Variants in DISP1 observed in about 807,000 individuals in gnomAD.
DISP1 encodes the protein protein dispatched homolog 1.
A neutral mutation model predicts 37.3 loss-of-function variants in DISP1; 30 were observed. The ratio of observed to expected loss-of-function variants is 0.80; its 90% CI spans 0.60 to 1.09. DISP1 has a LOEUF of 1.09. Among genes scored for constraint, DISP1 ranks in the 50% least tolerant of loss-of-function variants. DISP1 has a pLI of 0.00. For synonymous variants in DISP1, 634 were observed against 690.2 expected (o/e 0.92, Z 1.28); for missense variants, 1,598 against 1,879.5 (o/e 0.85, Z 2.77).
chr1:222,967,717 C>T (rs1223805293), intron 3 of DISP1, among the ~76,000 whole-genome samples: 2 of 152,102 alleles, frequency 1.3e-5, no homozygotes, highest in Non-Finnish European at 2.9e-5. Flanking sequence ...ATTGACTTGG[C>T]ATTGAATGTG....
At chr1:222,966,575 C>A (rs928286021) in intron 3 of DISP1, among the ~76,000 whole-genome samples, 3 of 152,148 alleles carry the variant, frequency 2.0e-5, no homozygotes, top group Non-Finnish European at 2.9e-5. Flanking sequence ...AAACTTTTAT[C>A]TTTGGCTGTC....
rs1296622359 is a variant in DISP1 at position 223,003,118 on chromosome 1, C to T, written c.1721C>T (p.Ala574Val). The change falls in exon 9 of 9, where the codon GCT becomes GTT. Residue 574 changes from alanine (A) to valine (V), a missense_variant. Coordinates refer to ENST00000675850, the MANE Select transcript of DISP1 (RefSeq NM_001377229.1). The surrounding 1 kb of genome is among the most constrained non-coding windows in gnomAD (Gnocchi z 4.3). ...TTGGTTGGAATTGGAGCAGATGATGCTTTTGTCCTGTGTGATGTTTGGAAC... is the reference window on the plus strand; with the variant it reads ...TTGGTTGGAATTGGAGCAGATGATGTTTTTGTCCTGTGTGATGTTTGGAAC... ...IILVGIGADD[A>V]FVLCDVWNYT... 5 of 1,614,048 alleles carry T rather than the reference C, an allele frequency of 3.1e-6. No homozygotes were observed.
intron 2 of DISP1, among the ~76,000 whole-genome samples, chr1:222,929,733 A>G (rs1275813308): frequency 6.6e-6 from 1 of 152,102 alleles, no homozygotes; most frequent in East Asian, 1.9e-4. Flanking sequence ...TCTACTTTCT[A>G]AAATGTTAAA....
intron 1 of DISP1, among the ~76,000 whole-genome samples, chr1:222,877,110 A>G (rs1670013246): frequency 6.6e-6 from 1 of 152,118 alleles, no homozygotes; most frequent in Non-Finnish European, 1.5e-5. Flanking sequence ...GAGCTGCTTT[A>G]CCTCTCTGAG....
chr1:222,984,435 T>TATATATAGAGAGAGAGAG (rs67660273), intron 4 of DISP1, among the ~76,000 whole-genome samples: 3 of 108,370 alleles, frequency 2.8e-5, no homozygotes, highest in South Asian at 3.2e-4. Context: ...TATATATATA[T>TATATATAGAGAGAGAGAG]AGAGAGAGAG....
intron 1 of DISP1, chr1:222,837,179 G>A (rs1427411598): frequency 2.5e-6 from 1 of 396,160 alleles, no homozygotes; most frequent in East Asian, 3.6e-5. Flanking sequence ...TGTCCTGGAT[G>A]CCCTCTTTTC....
chr1:222,920,332 C>T (rs1378968132), intron 1 of DISP1, among the ~76,000 whole-genome samples: 1 of 152,138 alleles, frequency 6.6e-6, no homozygotes, highest in Non-Finnish European at 1.5e-5. Context: ...TTTTGAAATG[C>T]TGTATCACAA....
Position 223,003,191 on chromosome 1 carries a change from C to T in DISP1, c.1794C>T (p.Ser598=), listed in dbSNP as rs1323138708. The part of the protein sequence containing the change: ...KPHAETSETV[S]ITLQHAALSM... ...ATGCCGAAACCTCAGAAACAGTAAG[C>T]ATCACCTTGCAGCACGCTGCCCTCT... is the stretch of plus-strand genomic sequence containing the variant. The change falls in exon 9 of 9, where the codon AGC becomes AGT. Residue 598 remains serine (S), a synonymous_variant. Transcript: ENST00000675850. This position sits in a 1 kb window ranked among gnomAD's most constrained non-coding sequence, Gnocchi z 4.3. The T allele has an allele frequency of 2.6e-5, 42 of 1,614,112 alleles. No individual in the cohort carries two copies. Among genetic ancestry groups the T allele is most frequent in the Non-Finnish European group, 3.4e-5 (40 of 1,180,052 alleles).
At chr1:222,985,649 C>T (rs1053001162) in intron 4 of DISP1, among the ~76,000 whole-genome samples, 4 of 151,970 alleles carry the variant, frequency 2.6e-5, no homozygotes, top group African/African-American at 4.8e-5. Context: ...GACTCCGTCT[C>T]GGGGTGGGGG....
At chr1:222,997,961 A>G (rs944797577) in intron 8 of DISP1, among the ~76,000 whole-genome samples, 1 of 152,130 alleles carries the variant, frequency 6.6e-6, no homozygotes, top group African/African-American at 2.4e-5. Flanking sequence ...CTCAAAGAGT[A>G]TGGTTATCAT....
chr1:222,848,417 AG>A (rs1668040889), intron 1 of DISP1, among the ~76,000 whole-genome samples: 1 of 151,464 alleles, frequency 6.6e-6, no homozygotes, highest in Non-Finnish European at 1.5e-5. Context: ...TTACAAAAAA[AG>A]TAAAAATTAT....
intron 1 of DISP1, among the ~76,000 whole-genome samples, chr1:222,843,988 G>A (rs1006914953): frequency 1.3e-5 from 2 of 152,152 alleles, no homozygotes; most frequent in African/African-American, 4.8e-5. Flanking sequence ...AATTACGATA[G>A]TCCTTAAAGT....
At chr1:222,820,609 G>T (rs1223928555) in intron 1 of DISP1, among the ~76,000 whole-genome samples, 1 of 152,210 alleles carries the variant, frequency 6.6e-6, no homozygotes, top group African/African-American at 2.4e-5. Flanking sequence ...TTTCAGGCAT[G>T]AATTTGAGCT....
intron 1 of DISP1, among the ~76,000 whole-genome samples, chr1:222,917,311 C>T (rs1180795014): frequency 2.0e-5 from 3 of 152,086 alleles, no homozygotes; most frequent in Non-Finnish European, 4.4e-5. Flanking sequence ...CAAACAGGGG[C>T]GAACAGGGAC....
chr1:222,927,607 C>G (rs772419015), intron 1 of DISP1, among the ~76,000 whole-genome samples: 112 of 152,192 alleles, frequency 7.4e-4, no homozygotes, highest in Non-Finnish European at 1.2e-3. Context: ...CTACTGTCCT[C>G]ATATAGTTAG....
intron 1 of DISP1, among the ~76,000 whole-genome samples, chr1:222,846,081 T>C (rs946352606): frequency 3.3e-5 from 5 of 152,224 alleles, no homozygotes; most frequent in African/African-American, 1.2e-4. Context: ...GCTTTTTCAT[T>C]TAGGTCTATA....
In DISP1 at chr1:222,880,221, C is replaced by T. The variant is rs552661785; in HGVS notation, c.-158-48209C>T. Among the ~76,000 whole-genome samples the T allele has an allele frequency of 3.0e-4, 45 of 152,122 alleles. 1 individual carries two copies. Among genetic ancestry groups the T allele is most frequent in the African/African-American group, 1.0e-3 (43 of 41,502 alleles). On this transcript the variant is annotated intron_variant, in intron 1 of 8. Transcript: ENST00000675850. ...ATTAGTGGAGAAAAAGCAGGATGTA[C>T]AATCTCAGTTATATTTTAAAAAGAG...
intron 3 of DISP1, among the ~76,000 whole-genome samples, chr1:222,969,433 C>CCAA (rs752228197): frequency 4.2e-5 from 6 of 143,728 alleles, no homozygotes; most frequent in African/African-American, 1.0e-4. Context: ...TAATGCCTAT[C>CCAA]CAAAAACCAT....
At chr1:222,836,331 G>T (rs1278977827) in intron 1 of DISP1, among the ~76,000 whole-genome samples, 1 of 152,182 alleles carries the variant, frequency 6.6e-6, no homozygotes, top group Non-Finnish European at 1.5e-5. Flanking sequence ...ATGTACAGAA[G>T]TGGTAATGTG....
Sources: allele counts gnomAD v4.1 joint callset (sites outside exome capture counted in the v4.1 genomes callset), GRCh38; gene constraint gnomAD v4.1.1; non-coding constraint Gnocchi (gnomAD v3.1); transcripts MANE v1.5; gene names NCBI Gene and HGNC (gene_info 2026-07-23, HGNC 2026-07-21).